ARFGEF3: variants seen among roughly 807,000 people sequenced by gnomAD.
ARFGEF3 encodes the protein ARFGEF family member 3, also known as brefeldin A-inhibited guanine nucleotide-exchange protein 3.
A neutral mutation model predicts 221.7 loss-of-function variants in ARFGEF3; 96 were observed. That is an observed-to-expected ratio of 0.43 (90% CI 0.37 to 0.51). The LOEUF is 0.51. Among genes scored for constraint, ARFGEF3 ranks in the 20% least tolerant of loss-of-function variants. ARFGEF3 has a pLI of 0.00. For synonymous variants in ARFGEF3, 1,145 were observed against 1,126.8 expected (o/e 1.02, Z -0.32); for missense variants, 2,410 against 2,789.9 (o/e 0.86, Z 3.07).
chr6:138,307,482 T>A, intron 23 of ARFGEF3, 85 bp downstream of exon 23: 3 of 1,208,514 alleles, frequency 2.5e-6, no homozygotes, highest in Non-Finnish European at 3.6e-6. Flanking sequence ...AATTGAACAA[T>A]AGGGAAGACA....
intron 1 of ARFGEF3, among the ~76,000 whole-genome samples, chr6:138,165,544 A>T (rs535968251): frequency 6.6e-6 from 1 of 151,262 alleles, no homozygotes; most frequent in Admixed American, 6.6e-5. Context: ...TGAGACCCTC[A>T]TGAGAGAGAG....
At chr6:138,232,295 T>C (rs949517607) in intron 5 of ARFGEF3, among the ~76,000 whole-genome samples, 3 of 151,974 alleles carry the variant, frequency 2.0e-5, no homozygotes, top group African/African-American at 7.3e-5. Context: ...TCACCTGAGG[T>C]TGAGAGTTCG....
Position 138,162,190 on chromosome 6 carries a change from C to G in ARFGEF3, c.85+19C>G, listed in dbSNP as rs1048534375. 1.3e-6 allele frequency: 2 copies of G among 1,582,902 alleles called. No individual in the cohort carries two copies. Among genetic ancestry groups the G allele is most frequent in the East Asian group, 2.4e-5 (1 of 42,520 alleles). ...GCCCTGGGTAAGCGTCCGGCACCTG[C>G]TCGCCGCGGCGGGAGGGCCGCGCGG... On this transcript the variant is annotated intron_variant, in intron 1 of 33. Coordinates refer to ENST00000251691, the MANE Select transcript of ARFGEF3 (RefSeq NM_020340.5). The surrounding 1 kb of genome is among the most constrained non-coding windows in gnomAD (Gnocchi z 4.7).
intron 12 of ARFGEF3, among the ~76,000 whole-genome samples, chr6:138,271,910 A>ATC (rs1779009887): frequency 6.6e-6 from 1 of 152,172 alleles, no homozygotes; most frequent in Non-Finnish European, 1.5e-5. Context: ...ATTTTTAATT[A>ATC]TCTAGGAGAT....
chr6:138,314,599 G>T (rs1779887084), intron 26 of ARFGEF3, among the ~76,000 whole-genome samples: 2 of 152,100 alleles, frequency 1.3e-5, no homozygotes, highest in Admixed American at 1.3e-4. Flanking sequence ...CTCCAGCTGT[G>T]GGCCTGTGAA....
intron 22 of ARFGEF3, among the ~76,000 whole-genome samples, chr6:138,303,950 T>C (rs553166284): frequency 6.9e-6 from 1 of 144,510 alleles, no homozygotes; most frequent in South Asian, 2.3e-4. Flanking sequence ...GCCCTACTGG[T>C]GAGAGGGTAA....
chr6:138,341,665 A>G lies in ARFGEF3; in HGVS notation c.*5179A>G, dbSNP rs1388062551. ...TTCTCATTTAGTAGTGGAGCAATCTAGAAAACATACCTTTTTTGTTTGTTT... is the reference window on the plus strand; with the variant it reads ...TTCTCATTTAGTAGTGGAGCAATCTGGAAAACATACCTTTTTTGTTTGTTT... On this transcript the variant is annotated 3_prime_UTR_variant, in exon 34 of 34. Transcript: ENST00000251691. 1.3e-5 allele frequency: 2 copies of G among 152,256 alleles called. No homozygotes were observed. Among genetic ancestry groups the G allele is most frequent in the African/African-American group, 4.8e-5 (2 of 41,470 alleles). The allele number at this position is 152,256 out of a possible 1,614,324, so 9.4% of individuals were successfully genotyped here. A position where few individuals can be genotyped will look rare whatever the true frequency, so the allele number is the denominator to read the frequency against.
intron 4 of ARFGEF3, among the ~76,000 whole-genome samples, chr6:138,215,713 G>A (rs1777829919): frequency 6.6e-6 from 1 of 152,068 alleles, no homozygotes; most frequent in Non-Finnish European, 1.5e-5. Flanking sequence ...AACTAGGAGT[G>A]GCTCAGAGTC....
rs548178771 is a variant in ARFGEF3 at position 138,193,996 on chromosome 6, G to A, written c.138-13046G>A. Among the ~76,000 whole-genome samples, 70 of 152,236 alleles carry A rather than the reference G, an allele frequency of 4.6e-4. No individual in the cohort carries two copies. The East Asian group carries it at 5.0e-3, about 11-fold the overall frequency. ...AGCATATAAAAAAGACGATGGAGCC[G>A]GACGCGGTGGCTCACGCCTGTAATC... is the stretch of plus-strand genomic sequence containing the variant. On this transcript the variant is annotated intron_variant, in intron 2 of 33. Transcript: ENST00000251691.
chr6:138,323,293 T>G (rs1215626037), intron 29 of ARFGEF3, among the ~76,000 whole-genome samples: 2 of 152,120 alleles, frequency 1.3e-5, no homozygotes, highest in Non-Finnish European at 2.9e-5. Flanking sequence ...ATGGCCTAAA[T>G]TTTGTGGCAA....
chr6:138,316,661 A>G (rs939227911), intron 26 of ARFGEF3, among the ~76,000 whole-genome samples: 5 of 151,606 alleles, frequency 3.3e-5, no homozygotes, highest in Non-Finnish European at 7.4e-5. Flanking sequence ...ACATGACACC[A>G]CTATCACACC....
At chr6:138,207,381 AT>A (rs1435112746) in intron 3 of ARFGEF3, among the ~76,000 whole-genome samples, 1 of 152,014 alleles carries the variant, frequency 6.6e-6, no homozygotes, top group South Asian at 2.1e-4. Context: ...ACAGATAGGG[AT>A]TTTTTTTGTG....
intron 32 of ARFGEF3, among the ~76,000 whole-genome samples, chr6:138,332,047 C>T (rs996247862): frequency 2.6e-5 from 4 of 152,064 alleles, no homozygotes; most frequent in African/African-American, 7.2e-5. Context: ...TCAGACATGG[C>T]TTTGCATTGG....
intron 12 of ARFGEF3, among the ~76,000 whole-genome samples, chr6:138,265,067 C>G (rs1464566957): frequency 6.6e-6 from 1 of 152,046 alleles, no homozygotes; most frequent in Non-Finnish European, 1.5e-5. Flanking sequence ...CCACACCGGG[C>G]TAATTTTTTG....
At chr6:138,327,463 T>G (rs1780148313) in intron 31 of ARFGEF3, among the ~76,000 whole-genome samples, 1 of 152,100 alleles carries the variant, frequency 6.6e-6, no homozygotes, top group African/African-American at 2.4e-5. Flanking sequence ...AATATATATA[T>G]TCTAATATTT....
At chr6:138,307,635 T>G (rs1779749866) in intron 23 of ARFGEF3, among the ~76,000 whole-genome samples, 1 of 152,252 alleles carries the variant, frequency 6.6e-6, no homozygotes, top group African/African-American at 2.4e-5. Flanking sequence ...GAGAGACTTC[T>G]GTTGTTTCAC....
chr6:138,177,203 C>T (rs1776969337), intron 2 of ARFGEF3, among the ~76,000 whole-genome samples: 1 of 151,988 alleles, frequency 6.6e-6, no homozygotes. Flanking sequence ...AATCCTCCCA[C>T]CTCAGCCTCC....
chr6:138,195,745 G>T (rs1639276974), intron 2 of ARFGEF3, among the ~76,000 whole-genome samples: 1 of 152,174 alleles, frequency 6.6e-6, no homozygotes, highest in Non-Finnish European at 1.5e-5. Context: ...GGAAACCCTA[G>T]TTCAAGGCAT....
chr6:138,162,238 G>C lies in ARFGEF3; in HGVS notation c.85+67G>C, dbSNP rs1034103025. The C allele has an allele frequency of 1.7e-5, 20 of 1,188,746 alleles. No homozygotes were observed. The highest frequency in any genetic ancestry group is 7.4e-5 in the Admixed American group (3 of 40,348). 73.6% of individuals were successfully genotyped at this position (1,188,746 alleles called of 1,614,324 possible). ...CGGCCGGGGCTGAACCCGCGCCTCC[G>C]CGCGTGGGGCTTTCGCGGAGCGTCG... On this transcript the variant is annotated intron_variant, in intron 1 of 33. Coordinates refer to ENST00000251691, the MANE Select transcript of ARFGEF3 (RefSeq NM_020340.5). This position sits in a 1 kb window ranked among gnomAD's most constrained non-coding sequence, Gnocchi z 4.7.
Sources: gnomAD v4.1 joint callset for allele counts (sites outside exome capture counted in the v4.1 genomes callset) on GRCh38, gnomAD v4.1.1 for gene constraint, Gnocchi (gnomAD v3.1) non-coding constraint, MANE v1.5 for transcripts, NCBI Gene and HGNC (gene_info 2026-07-23, HGNC 2026-07-21) for gene names.